The following WDR33 variants were observed in gnomAD, a reference collection of about 807,000 sequenced individuals.
WDR33 encodes pre-mRNA 3' end processing protein WDR33.
In WDR33, 47 loss-of-function variants were observed where a neutral mutation model predicts 164.9. The ratio of observed to expected loss-of-function variants is 0.29; its 90% confidence interval spans 0.23 to 0.36. WDR33 has a LOEUF of 0.36. Among genes scored for constraint, WDR33 ranks in the 10% least tolerant of loss-of-function variants. The pLI, the probability that WDR33 is intolerant of heterozygous loss-of-function variation, is 1.00. For missense variants in WDR33, 1,137 were observed against 1,754.1 expected (o/e 0.65, Z 6.28); for synonymous variants, 505 against 589.0 (o/e 0.86, Z 2.06).
At chr2:127,773,896 T>C (rs1688095011) in intron 1 of WDR33, among the ~76,000 whole-genome samples, 1 of 152,018 alleles carries the variant, frequency 6.6e-6, no homozygotes, top group African/African-American at 2.4e-5. Flanking sequence ...CCTGAGTAGC[T>C]GGGACCATTA....
chr2:127,737,943 C>T (rs993556013), intron 7 of WDR33: 131 of 1,592,898 alleles, frequency 8.2e-5, no homozygotes, highest in South Asian at 5.3e-4. Context: ...CCAGAATCTT[C>T]TTGGGTATAT....
chr2:127,791,635 TG>T (rs1234705905), intron 1 of WDR33, among the ~76,000 whole-genome samples: 1 of 152,140 alleles, frequency 6.6e-6, no homozygotes, highest in Non-Finnish European at 1.5e-5. Context: ...GTCATCACAC[TG>T]GGGGTTACTA....
intron 7 of WDR33, among the ~76,000 whole-genome samples, chr2:127,746,041 T>TAAAAAAAAA (rs59854828): frequency 1.0e-5 from 1 of 99,900 alleles, no homozygotes; most frequent in Non-Finnish European, 2.2e-5. Flanking sequence ...ATAAAATAAT[T>TAAAAAAAAA]AAAAAAAAAA....
chr2:127,746,570 T>C (rs768123626), intron 7 of WDR33, among the ~76,000 whole-genome samples: 6 of 152,190 alleles, frequency 3.9e-5, no homozygotes, highest in Non-Finnish European at 8.8e-5. Context: ...TATCATTAGC[T>C]CTCCTTTACA....
intron 1 of WDR33, chr2:127,810,773 G>A (rs1358534208): frequency 1.5e-5 from 2 of 134,926 alleles, no homozygotes; most frequent in Non-Finnish European, 3.1e-5. Flanking sequence ...ACCGCTCCCA[G>A]TCAGGGCCTT....
intron 1 of WDR33, among the ~76,000 whole-genome samples, chr2:127,788,622 C>T (rs1688712725): frequency 1.4e-5 from 2 of 144,582 alleles, no homozygotes; most frequent in Non-Finnish European, 3.1e-5. Context: ...CCTCACCTCC[C>T]GGACGGGGCG....
At position 127,718,468 on chromosome 2, in the gene WDR33, T is replaced by C. The variant is rs1686348550; in HGVS notation, c.2760+797A>G. On this transcript the variant is annotated intron_variant, in intron 16 of 21. Coordinates refer to ENST00000322313, the MANE Select transcript of WDR33 (RefSeq NM_018383.5). The surrounding 1 kb of genome is among the most constrained non-coding windows in gnomAD (Gnocchi z 4.4). ...CATAGCTGAGCAGTATTACATCTATTTATGCTCATGCAATTCTTTTCGTAA... is the reference window on the plus strand; with the variant it reads ...CATAGCTGAGCAGTATTACATCTATCTATGCTCATGCAATTCTTTTCGTAA... Among the ~76,000 whole-genome samples, 1 of 151,986 alleles carries C rather than the reference T, an allele frequency of 6.6e-6. No individual in the cohort carries two copies. The highest frequency in any genetic ancestry group is 1.5e-5 in the Non-Finnish European group (1 of 67,988).
At chr2:127,788,111 GC>G (rs1688667131) in intron 1 of WDR33, among the ~76,000 whole-genome samples, 2 of 95,826 alleles carry the variant, frequency 2.1e-5, no homozygotes, top group East Asian at 3.0e-4. Flanking sequence ...GGCTGGCCGG[GC>G]TGAGGGGCTC....
Position 127,741,398 on chromosome 2 carries a change from A to C in WDR33, c.725-14621T>G, listed in dbSNP as rs1187265716. Among the ~76,000 whole-genome samples the C allele has an allele frequency of 6.6e-6, 1 of 152,192 alleles. No individual in the cohort carries two copies. The highest frequency in any genetic ancestry group is 1.5e-5 in the Non-Finnish European group (1 of 68,032). ...AGAGTGGAATAAACTTAAGCACTCC[A>C]CCTCAGAGTACAAACCACAACCCAC... On this transcript the variant is annotated intron_variant, in intron 7 of 21. Transcript: ENST00000322313. The surrounding 1 kb of genome is among the most constrained non-coding windows in gnomAD (Gnocchi z 4.1).
chr2:127,808,927 G>A (rs928741655), intron 1 of WDR33, among the ~76,000 whole-genome samples: 7 of 151,572 alleles, frequency 4.6e-5, no homozygotes, highest in African/African-American at 1.5e-4. Flanking sequence ...CTACTCGGGA[G>A]GCTCAGGCAG....
At chr2:127,774,682 T>C (rs1360179095) in intron 1 of WDR33, among the ~76,000 whole-genome samples, 1 of 151,892 alleles carries the variant, frequency 6.6e-6, no homozygotes, top group African/African-American at 2.4e-5. Flanking sequence ...ACAAAAAAAT[T>C]AGCCAGGCGT....
chr2:127,768,676 A>T (rs1032398696), intron 3 of WDR33, among the ~76,000 whole-genome samples: 2 of 152,212 alleles, frequency 1.3e-5, no homozygotes, highest in African/African-American at 4.8e-5. Flanking sequence ...ACTTTAGATT[A>T]CTCAACTTCT....
chr2:127,719,457 T>G lies in WDR33; in HGVS notation c.2568A>C (p.Pro856=). 6.3e-7 allele frequency: 1 copy of G among 1,586,470 alleles called. No individual in the cohort carries two copies. Among genetic ancestry groups the G allele is most frequent in the Non-Finnish European group, 8.6e-7 (1 of 1,164,656 alleles). ...LGPPQELRGP[P]GSQSQQGPPQ... The stretch of plus-strand genomic sequence containing the variant: ...GCGGCCCCTGCTGACTTTGTGAGCC[T>G]GGAGGCCCTCGCAATTCCTGGGGAG... The change falls in exon 16 of 22, where the codon CCA becomes CCC. Residue 856 remains proline (P), a synonymous_variant. Coordinates refer to ENST00000322313, the MANE Select transcript of WDR33 (RefSeq NM_018383.5). The surrounding 1 kb of genome is among the most constrained non-coding windows in gnomAD (Gnocchi z 6.5).
chr2:127,788,213 C>A (rs1459442255), intron 1 of WDR33, among the ~76,000 whole-genome samples: 2 of 131,742 alleles, frequency 1.5e-5, no homozygotes, highest in African/African-American at 6.0e-5. Context: ...CCCCCACCTC[C>A]CTCCCGGACA....
rs1486135033 is a variant in WDR33, at chr2:127,770,850, A to G, written c.132T>C (p.Asp44=). Residue 44 remains aspartate (D), a synonymous_variant, in exon 2 of 22, where the codon GAT becomes GAC. Transcript: ENST00000322313. The surrounding 1 kb of genome is among the most constrained non-coding windows in gnomAD (Gnocchi z 4.9). ...QQQAMQQLTF[D]GKRMRKAVNR... ...TCACAGCTTTTCTCATTCGTTTTCC[A>G]TCAAAAGTAAGCTGTTGCATTGCTT... is the stretch of plus-strand genomic sequence containing the variant. 2 of 1,614,012 alleles carry G rather than the reference A, an allele frequency of 1.2e-6. No homozygotes were observed. Among genetic ancestry groups the G allele is most frequent in the Admixed American group, 1.7e-5 (1 of 59,988 alleles).
At position 127,702,097 on chromosome 2, in the gene WDR33, G is replaced by T. The variant is rs1211302549; in HGVS notation, c.*4226C>A. ...GCCGCGCTGGTTGGGCTGCTGCCCTGGGGCGGCGGCACCGCGCTGCGCCTC... is the reference window on the plus strand; with the variant it reads ...GCCGCGCTGGTTGGGCTGCTGCCCTTGGGCGGCGGCACCGCGCTGCGCCTC... On this transcript the variant is annotated 3_prime_UTR_variant, in exon 22 of 22. Coordinates refer to ENST00000322313, the MANE Select transcript of WDR33 (RefSeq NM_018383.5). 2 of 1,216,928 alleles carry T rather than the reference G, an allele frequency of 1.6e-6. No individual in the cohort carries two copies. The highest frequency in any genetic ancestry group is 1.6e-5 in the African/African-American group (1 of 63,186). The allele number at this position is 1,216,928 out of a possible 1,614,324, so 75.4% of individuals were successfully genotyped here. A position where few individuals can be genotyped will look rare whatever the true frequency, so the allele number is the denominator to read the frequency against.
chr2:127,731,167 T>C (rs1686695642), intron 7 of WDR33, among the ~76,000 whole-genome samples: 1 of 151,762 alleles, frequency 6.6e-6, no homozygotes, highest in Non-Finnish European at 1.5e-5. Context: ...TGGTGATGCA[T>C]GCCTGTAGTC....
At chr2:127,782,339 C>G (rs1688401519) in intron 1 of WDR33, among the ~76,000 whole-genome samples, 1 of 151,020 alleles carries the variant, frequency 6.6e-6, no homozygotes, top group African/African-American at 2.4e-5. Context: ...ACCTGGGAGG[C>G]AGGGGTTGCG....
rs1318753883 is a variant in WDR33 at position 127,701,227 on chromosome 2, A to G, written c.*5096T>C. 2.4e-5 allele frequency: 6 copies of G among 245,356 alleles called. No individual in the cohort carries two copies. Among genetic ancestry groups the G allele is most frequent in the Non-Finnish European group, 3.9e-5 (5 of 129,280 alleles). 15.2% of individuals were successfully genotyped at this position (245,356 alleles called of 1,614,324 possible). On this transcript the variant is annotated 3_prime_UTR_variant, in exon 22 of 22. Transcript: ENST00000322313. ...CTTGTGCCCCTTTAGAACCACACCCACCCCTGCCTTCCAACTATTAATGCT... is the reference window on the plus strand; with the variant it reads ...CTTGTGCCCCTTTAGAACCACACCCGCCCCTGCCTTCCAACTATTAATGCT...
Sources: gnomAD v4.1 joint callset for allele counts (sites outside exome capture counted in the v4.1 genomes callset) on GRCh38, gnomAD v4.1.1 for gene constraint, Gnocchi (gnomAD v3.1) non-coding constraint, MANE v1.5 for transcripts, NCBI Gene and HGNC (gene_info 2026-07-23, HGNC 2026-07-21) for gene names.